CUBN: variants seen among roughly 807,000 people sequenced by gnomAD.
CUBN encodes the protein 460 kDa receptor.
Under a neutral mutation model 405.3 loss-of-function variants are expected in CUBN, and 282 were observed. The observed-to-expected ratio is 0.70, with a 90% CI of 0.63 to 0.77. The LOEUF (loss-of-function observed/expected upper bound fraction) is 0.77, where lower values mean the gene tolerates loss of function less well. Ranked by LOEUF, CUBN falls within the 30% of genes least tolerant of loss-of-function variation. The pLI is 0.00. For synonymous variants in CUBN, 1,684 were observed against 1,617.0 expected, an observed-to-expected ratio of 1.04 and a Z score of -0.99; for missense variants, 4,514 against 4,475.2, an observed-to-expected ratio of 1.01 and a Z score of -0.25.
chr10:16,903,975 A>T lies in CUBN; in HGVS notation c.8053T>A (p.Ser2685Thr), dbSNP rs779766344. 6.2e-7 allele frequency: 1 copy of T among 1,608,324 alleles called. No homozygotes were observed. The highest frequency in any genetic ancestry group is 1.1e-5 in the South Asian group (1 of 90,588). ...TAATTATAATTCTTACCTGTAAAGG[A>T]ATACTTTGCATGGAATCCAATGTGT... ...VEHIGFHAKY[S>T]FTDCGGIQIG... The change falls in exon 51 of 67, where the codon TCC (serine) becomes ACC (threonine). Residue 2685 changes from serine to threonine, a missense_variant. Ser to Thr is a moderately conservative substitution (Grantham distance 58). This residue lies in a region of CUBN where 1,186 missense variants were observed against 1,186.9 expected (regional missense o/e 1.00). Coordinates refer to ENST00000377833, the MANE Select transcript of CUBN (RefSeq NM_001081.4).
chr10:16,965,247 C>A (rs995114564), intron 31 of CUBN, among the ~76,000 whole-genome samples: 3 of 152,326 alleles, frequency 2.0e-5, no homozygotes, highest in Non-Finnish European at 4.4e-5. Context: ...TGTCTTCCTT[C>A]CATTCAGTCT....
At chr10:16,829,342 G>GAAAAAAAAAAAAAAA (rs71287326) in intron 65 of CUBN, among the ~76,000 whole-genome samples, 1 of 121,156 alleles carries the variant, frequency 8.3e-6, no homozygotes. Flanking sequence ...GAGCAGAATG[G>GAAAAAAAAAAAAAAA]AAAAAAAAAA....
chr10:17,079,286 A>G, intron 17 of CUBN, among the ~76,000 whole-genome samples: 1 of 134,586 alleles, frequency 7.4e-6, no homozygotes, highest in African/African-American at 2.8e-5. Context: ...CCCAAGCTGG[A>G]GTATAGTGGC....
At chr10:17,044,983 A>G in intron 25 of CUBN, 24 bp downstream of exon 25, 1 of 1,608,772 alleles carries the variant, frequency 6.2e-7, no homozygotes. Flanking sequence ...GCAGGGAACA[A>G]TATGATGGAA....
At chr10:17,046,658 T>A (rs1835140781) in intron 23 of CUBN, among the ~76,000 whole-genome samples, 2 of 152,182 alleles carry the variant, frequency 1.3e-5, no homozygotes, top group African/African-American at 4.8e-5. Flanking sequence ...AGTGAGTAAC[T>A]GCTGTAAATT....
chr10:16,878,551 T>C (rs1840580393), intron 56 of CUBN, among the ~76,000 whole-genome samples: 1 of 152,222 alleles, frequency 6.6e-6, no homozygotes, highest in Admixed American at 6.5e-5. Flanking sequence ...AGTTAGATAC[T>C]GGCACTAAGG....
chr10:17,094,590 A>C (rs1203380951), intron 14 of CUBN, among the ~76,000 whole-genome samples: 1 of 152,116 alleles, frequency 6.6e-6, no homozygotes, highest in Non-Finnish European at 1.5e-5. Flanking sequence ...ATATAAAATT[A>C]GTTGCATTTC....
chr10:17,105,420 A>G (rs781228166), intron 11 of CUBN, 37 bp downstream of exon 11: 1 of 1,142,024 alleles, frequency 8.8e-7, no homozygotes, highest in Non-Finnish European at 1.3e-6. Context: ...ACTAATTCTC[A>G]GGTACTCTCT....
At chr10:16,837,185 C>T (rs1392624733) in intron 62 of CUBN, among the ~76,000 whole-genome samples, 1 of 151,980 alleles carries the variant, frequency 6.6e-6, no homozygotes, top group East Asian at 1.9e-4. Flanking sequence ...CAGTCATTCT[C>T]GGTATACATC....
At chr10:17,075,081 T>TC (rs1835827107) in intron 17 of CUBN, among the ~76,000 whole-genome samples, 2 of 126,688 alleles carry the variant, frequency 1.6e-5, no homozygotes, top group Non-Finnish European at 3.4e-5. Context: ...TTCTTTTTTT[T>TC]TTTTTTTTTT....
chr10:16,976,095 C>T (rs1294425038), intron 31 of CUBN, among the ~76,000 whole-genome samples: 3 of 151,852 alleles, frequency 2.0e-5, no homozygotes, highest in African/African-American at 7.3e-5. Flanking sequence ...CTCAGCCTCC[C>T]AAGTAGCTGG....
intron 40 of CUBN, 23 bp downstream of exon 40, chr10:16,933,064 A>G (rs1488578952): frequency 1.9e-6 from 3 of 1,610,134 alleles, no homozygotes; most frequent in Non-Finnish European, 8.5e-7. Flanking sequence ...GTTGAAACTC[A>G]GCATTCTTTA....
chr10:16,867,985 C>T (rs1247784269), intron 59 of CUBN, among the ~76,000 whole-genome samples: 2 of 152,106 alleles, frequency 1.3e-5, no homozygotes, highest in African/African-American at 4.8e-5. Flanking sequence ...AAAGCAAATG[C>T]AGACATAGGA....
chr10:16,999,084 G>A (rs12414709), intron 28 of CUBN, among the ~76,000 whole-genome samples: 17,703 of 152,198 alleles, frequency 0.12, 1,229 homozygotes, highest in East Asian at 0.19. Context: ...CATGAAGTCA[G>A]TGACTTGGAA....
intron 17 of CUBN, among the ~76,000 whole-genome samples, chr10:17,076,443 C>A (rs1027853404): frequency 6.9e-6 from 1 of 145,870 alleles, no homozygotes; most frequent in Non-Finnish European, 1.5e-5. Context: ...GCATGTATTG[C>A]GTTCAATAAT....
chr10:16,858,251 T>G (rs1393818389), intron 59 of CUBN, among the ~76,000 whole-genome samples: 1 of 152,210 alleles, frequency 6.6e-6, no homozygotes, highest in African/African-American at 2.4e-5. Flanking sequence ...ATAGATTTAA[T>G]GCAATTCCTA....
At chr10:16,897,820 G>A (rs1030125365) in intron 54 of CUBN, among the ~76,000 whole-genome samples, 1 of 152,084 alleles carries the variant, frequency 6.6e-6, no homozygotes, top group South Asian at 2.1e-4. Flanking sequence ...TTTTTGGCAG[G>A]GTTCCTAATA....
At chr10:16,858,983 C>A (rs1278005248) in intron 59 of CUBN, among the ~76,000 whole-genome samples, 1 of 152,062 alleles carries the variant, frequency 6.6e-6, no homozygotes, top group Non-Finnish European at 1.5e-5. Context: ...CAAAATGGAT[C>A]ATAGACACAA....
chr10:17,085,965 A>ATTTTT (rs11284543), intron 15 of CUBN, among the ~76,000 whole-genome samples: 1 of 132,614 alleles, frequency 7.5e-6, no homozygotes, highest in African/African-American at 2.9e-5. Context: ...CTCTGTCTGA[A>ATTTTT]TTTTTTTTTT....
Sources: allele counts gnomAD v4.1 joint callset (sites outside exome capture counted in the v4.1 genomes callset), GRCh38; gene constraint gnomAD v4.1.1; regional missense constraint gnomAD v4.1.1; transcripts MANE v1.5; gene names NCBI Gene and HGNC (gene_info 2026-07-23, HGNC 2026-07-21).